INTS6L: variants seen among roughly 807,000 people sequenced by gnomAD.
The protein encoded by INTS6L is integrator complex subunit 6-like.
INTS6L carries 18 observed loss-of-function variants against 64.7 expected under a neutral mutation model. The ratio of observed to expected loss-of-function variants is 0.28; its 90% CI spans 0.19 to 0.41. INTS6L has a LOEUF of 0.41. Ranked by LOEUF, INTS6L falls within the 10% of genes least tolerant of loss-of-function variation. The probability of loss-of-function intolerance (pLI) is 1.00; values close to 1 mark genes in which losing one functional copy is unlikely to be tolerated. For missense variants in INTS6L, 533 were observed against 661.0 expected, an observed-to-expected ratio of 0.81 and a Z score of 2.12; for synonymous variants, 227 against 235.9, an observed-to-expected ratio of 0.96 and a Z score of 0.34.
chrX:135,576,442 T>C (rs1285600578), intron 14 of INTS6L, among the ~76,000 whole-genome samples: 2 of 111,630 alleles, frequency 1.8e-5, no homozygotes, highest in African/African-American at 6.5e-5. Context: ...TATCTGAAAA[T>C]GTTTTCCCCT....
chrX:135,570,712 T>TA, intron 11 of INTS6L, 166 bp downstream of exon 11: 1 of 575,474 alleles, frequency 1.7e-6, no homozygotes, highest in Non-Finnish European at 2.5e-6. Flanking sequence ...ACCATTAAGC[T>TA]GCAGTTAAGG....
intron 9 of INTS6L, among the ~76,000 whole-genome samples, chrX:135,558,632 G>A (rs1411639435): frequency 9.0e-6 from 1 of 111,208 alleles, no homozygotes; most frequent in African/African-American, 3.3e-5. Flanking sequence ...GTTCTTCAGT[G>A]GGTAATAGAG....
chrX:135,528,730 C>T (rs1201268004), intron 2 of INTS6L, among the ~76,000 whole-genome samples: 2 of 111,103 alleles, frequency 1.8e-5, no homozygotes, highest in Non-Finnish European at 3.8e-5. Context: ...TTTGAAATTC[C>T]ATATGTGAAA....
Position 135,536,664 on chromosome X carries a change from A to T in INTS6L, c.190-8759A>T, listed in dbSNP as rs1050439522. ...AATGGAGGAAAAGGCTTCTCTATTT[A>T]AAAAAAATAAAAATCAATGAAAATT... On this transcript the variant is annotated intron_variant, in intron 2 of 17. Coordinates refer to ENST00000639893, the MANE Select transcript of INTS6L (RefSeq NM_001351601.3). 4.5e-5 allele frequency among the ~76,000 whole-genome samples: 5 copies of T among 111,158 alleles called. No individual in the cohort carries two copies. The Admixed American group carries it at 4.8e-4, about 11-fold the overall frequency.
At chrX:135,552,182 C>CCACT in intron 8 of INTS6L, 36 bp downstream of exon 8, 6 of 1,112,970 alleles carry the variant, frequency 5.4e-6, no homozygotes, top group Non-Finnish European at 7.1e-6. Context: ...ATGTCTGTAA[C>CCACT]CACTCTAGGA....
At chrX:135,548,239 T>C (rs1457785280) in intron 6 of INTS6L, among the ~76,000 whole-genome samples, 2 of 111,035 alleles carry the variant, frequency 1.8e-5, no homozygotes, top group Admixed American at 9.6e-5. Flanking sequence ...TTGTTATTGT[T>C]GTTGTTTTGC....
chrX:135,548,622 C>G (rs889792121), intron 6 of INTS6L, among the ~76,000 whole-genome samples: 1 of 110,859 alleles, frequency 9.0e-6, no homozygotes, highest in Non-Finnish European at 1.9e-5. Context: ...AGTTAAGAAC[C>G]CTTTCCTCAG....
chrX:135,562,093 A>C (rs2086806378), intron 9 of INTS6L, among the ~76,000 whole-genome samples: 1 of 110,316 alleles, frequency 9.1e-6, no homozygotes, highest in Non-Finnish European at 1.9e-5. Flanking sequence ...ATGGGATCTT[A>C]GATTATTGGT....
At chrX:135,547,381 A>G (rs1027585078) in intron 6 of INTS6L, 116 bp downstream of exon 6, 8 of 838,134 alleles carry the variant, frequency 9.5e-6, no homozygotes, top group Non-Finnish European at 1.2e-5. Context: ...GGTTACAAAC[A>G]TACATCCAAA....
chrX:135,570,189 G>A (rs1413991059), intron 10 of INTS6L: 4 of 243,260 alleles, frequency 1.6e-5, no homozygotes, highest in African/African-American at 1.1e-4. Flanking sequence ...AAGATTGAAC[G>A]CAATTTACTT....
intron 6 of INTS6L, among the ~76,000 whole-genome samples, chrX:135,548,449 T>C (rs1435946997): frequency 8.9e-6 from 1 of 111,910 alleles, no homozygotes; most frequent in East Asian, 2.8e-4. Flanking sequence ...GGCCATGTTA[T>C]ACTGCTAGCA....
At chrX:135,533,679 A>G (rs1474785365) in intron 2 of INTS6L, among the ~76,000 whole-genome samples, 3 of 111,406 alleles carry the variant, frequency 2.7e-5, no homozygotes, top group African/African-American at 9.8e-5. Flanking sequence ...TCAGAACGTA[A>G]TAAATGGCCA....
At chrX:135,548,478 A>G (rs2086417273) in intron 6 of INTS6L, among the ~76,000 whole-genome samples, 1 of 111,808 alleles carries the variant, frequency 8.9e-6, no homozygotes, top group Admixed American at 9.5e-5. Flanking sequence ...TTTCGTGCTC[A>G]CTATCTTAGC....
intron 7 of INTS6L, among the ~76,000 whole-genome samples, chrX:135,551,614 A>G (rs1283054298): frequency 8.9e-6 from 1 of 112,329 alleles, no homozygotes; most frequent in East Asian, 2.8e-4. Flanking sequence ...CTGTAACCTC[A>G]TGGTACAAAG....
chrX:135,547,939 G>A (rs1300485469), intron 6 of INTS6L, among the ~76,000 whole-genome samples: 2 of 110,787 alleles, frequency 1.8e-5, no homozygotes, highest in Non-Finnish European at 3.8e-5. Flanking sequence ...AAGGGATCAG[G>A]GAACTAAACA....
At chrX:135,528,188 G>T (rs1396118528) in intron 2 of INTS6L, among the ~76,000 whole-genome samples, 1 of 111,370 alleles carries the variant, frequency 9.0e-6, no homozygotes, top group African/African-American at 3.3e-5. Context: ...CAGTCCCTTT[G>T]TAACTGTGTA....
chrX:135,527,870 GCA>G (rs1433454203), intron 2 of INTS6L, among the ~76,000 whole-genome samples: 1 of 110,629 alleles, frequency 9.0e-6, no homozygotes, highest in East Asian at 2.8e-4. Flanking sequence ...GAAGGGCAGG[GCA>G]CAGGTAAGGA....
intron 2 of INTS6L, among the ~76,000 whole-genome samples, chrX:135,530,587 C>T (rs2085880921): frequency 8.9e-6 from 1 of 112,527 alleles, no homozygotes; most frequent in Non-Finnish European, 1.9e-5. Context: ...TTCTAATCCA[C>T]AGCCTCTGGA....
At chrX:135,539,326 G>T (rs970505344) in intron 2 of INTS6L, among the ~76,000 whole-genome samples, 1 of 112,010 alleles carries the variant, frequency 8.9e-6, no homozygotes, top group East Asian at 2.8e-4. Flanking sequence ...CATGGAAGTG[G>T]CTGCTTCTTC....
Sources: gnomAD v4.1 joint callset for allele counts (sites outside exome capture counted in the v4.1 genomes callset) on GRCh38, gnomAD v4.1.1 for gene constraint, MANE v1.5 for transcripts, NCBI Gene and HGNC (gene_info 2026-07-23, HGNC 2026-07-21) for gene names.